DTD1: variants seen among roughly 807,000 people sequenced by gnomAD.
The protein encoded by DTD1 is D-tyrosyl-tRNA deacylase 1 homolog.
A neutral mutation model predicts 25.6 loss-of-function variants in DTD1; 13 were observed. The observed-to-expected ratio is 0.51, with a 90% CI of 0.33 to 0.81. The LOEUF is 0.81. DTD1 is among the 30% of genes least tolerant of loss of function. The probability of loss-of-function intolerance (pLI) is 0.02; values close to 1 mark genes in which losing one functional copy is unlikely to be tolerated. For synonymous variants in DTD1, 110 were observed against 103.6 expected (o/e 1.06, Z -0.37); for missense variants, 193 against 266.4 (o/e 0.72, Z 1.92).
At chr20:18,708,243 T>TTA (rs1568676718) in intron 4 of DTD1, among the ~76,000 whole-genome samples, 7 of 20,306 alleles carry the variant, frequency 3.4e-4, no homozygotes, top group African/African-American at 1.1e-3. Context: ...TATATATATA[T>TTA]AATATATATT....
At chr20:18,730,395 C>T (rs1285769881) in intron 4 of DTD1, among the ~76,000 whole-genome samples, 5 of 152,140 alleles carry the variant, frequency 3.3e-5, no homozygotes, top group Non-Finnish European at 7.4e-5. Flanking sequence ...AATTGCATTC[C>T]CAAGGCCCAA....
At chr20:18,668,819 T>C (rs1429771021) in intron 4 of DTD1, among the ~76,000 whole-genome samples, 1 of 152,266 alleles carries the variant, frequency 6.6e-6, no homozygotes, top group Non-Finnish European at 1.5e-5. Context: ...TTTCTGCCTC[T>C]CAACTTCTAG....
rs191805517 is a variant in DTD1 at position 18,749,865 on chromosome 20, A to T, written c.*19+5594A>T. 1.3e-5 allele frequency among the ~76,000 whole-genome samples: 2 copies of T among 152,334 alleles called. No homozygotes were observed. The highest frequency in any genetic ancestry group is 2.9e-5 in the Non-Finnish European group (2 of 68,022). ...ACTCAGCGCATGGAGGCTCATGAAC[A>T]AGTTTAGATCGGCCCATGAAAGACA... is the stretch of plus-strand genomic sequence containing the variant. On this transcript the variant is annotated intron_variant, in intron 5 of 5. Coordinates refer to ENST00000377452, the MANE Select transcript of DTD1 (RefSeq NM_080820.6). The surrounding 1 kb of genome is among the most constrained non-coding windows in gnomAD (Gnocchi z 4.2).
chr20:18,687,100 C>G (rs1031887216), intron 4 of DTD1, among the ~76,000 whole-genome samples: 1 of 152,174 alleles, frequency 6.6e-6, no homozygotes, highest in African/African-American at 2.4e-5. Flanking sequence ...GGAGAAAATT[C>G]AGGCAGAGGA....
At chr20:18,756,517 T>G (rs2061340000) in intron 5 of DTD1, among the ~76,000 whole-genome samples, 1 of 152,254 alleles carries the variant, frequency 6.6e-6, no homozygotes, top group African/African-American at 2.4e-5. Flanking sequence ...CACCATTTAT[T>G]AAATAGGAAA....
chr20:18,614,972 C>T (rs1362862965), intron 3 of DTD1, among the ~76,000 whole-genome samples: 1 of 152,180 alleles, frequency 6.6e-6, no homozygotes, highest in South Asian at 2.1e-4. Flanking sequence ...GGCCTCCCCA[C>T]GTTGCTGGGC....
chr20:18,646,243 GA>G (rs1249066668), intron 4 of DTD1, among the ~76,000 whole-genome samples: 7 of 152,206 alleles, frequency 4.6e-5, no homozygotes, highest in African/African-American at 1.7e-4. Context: ...GTAGGTGGCT[GA>G]AATGCCCATC....
chr20:18,624,167 A>C (rs140599693), intron 3 of DTD1, among the ~76,000 whole-genome samples: 2 of 152,106 alleles, frequency 1.3e-5, no homozygotes, highest in Non-Finnish European at 2.9e-5. Context: ...TTCCAAGGCC[A>C]CTGTGCTCCC....
intron 4 of DTD1, chr20:18,643,464 G>C (rs1181559261): frequency 8.4e-5 from 17 of 201,356 alleles, no homozygotes; most frequent in Admixed American, 6.7e-4. Context: ...TGAATCTTCT[G>C]TATTGATTTC....
chr20:18,714,390 C>T (rs1252734759), intron 4 of DTD1, among the ~76,000 whole-genome samples: 1 of 152,238 alleles, frequency 6.6e-6, no homozygotes, highest in Admixed American at 6.5e-5. Flanking sequence ...TAAATCCCCA[C>T]ATTCTGTGCT....
At position 18,596,237 on chromosome 20, in the gene DTD1, C is replaced by G. The variant is rs1248641517; in HGVS notation, c.366C>G (p.Ile122Met). Reference protein sequence around the residue: ...QLRKTYRPELIKDGKFGAYMQ... With the variant: ...QLRKTYRPELMKDGKFGAYMQ... ...GTAAAACATACAGGCCGGAGCTTAT[C>G]AAAGGTAAGCAGGAGAGCCACATCC... The change falls in exon 3 of 6, where the codon ATC (isoleucine) becomes ATG (methionine). Residue 122 changes from isoleucine (I) to methionine (M), a missense_variant. By Grantham distance (10) the Ile-to-Met change is conservative. Transcript: ENST00000377452. 3.1e-6 allele frequency: 5 copies of G among 1,613,124 alleles called. No homozygotes were observed. Among genetic ancestry groups the G allele is most frequent in the Non-Finnish European group, 3.4e-6 (4 of 1,179,468 alleles).
chr20:18,744,368 C>T (rs903534045), intron 5 of DTD1, 97 bp downstream of exon 5: 4 of 1,290,470 alleles, frequency 3.1e-6, no homozygotes, highest in Admixed American at 5.0e-5. Flanking sequence ...ATTCATTTCA[C>T]AGCGTTCATC....
intron 4 of DTD1, among the ~76,000 whole-genome samples, chr20:18,739,780 G>A (rs1357569880): frequency 2.0e-5 from 3 of 151,786 alleles, no homozygotes; most frequent in Admixed American, 6.6e-5. Context: ...CTTGCTTTGA[G>A]ATGTAAATTC....
chr20:18,598,503 A>ATT (rs201752077), intron 3 of DTD1, among the ~76,000 whole-genome samples: 1 of 145,984 alleles, frequency 6.9e-6, no homozygotes, highest in Non-Finnish European at 1.5e-5. Context: ...AGTAACAGTA[A>ATT]TTTTTTTTTT....
chr20:18,748,544 T>A (rs2061309593), intron 5 of DTD1, among the ~76,000 whole-genome samples: 1 of 152,124 alleles, frequency 6.6e-6, no homozygotes, highest in African/African-American at 2.4e-5. Context: ...CTGCTAATTC[T>A]GTGGGCAAGA....
chr20:18,740,713 C>A (rs938665194), intron 4 of DTD1, among the ~76,000 whole-genome samples: 2 of 152,114 alleles, frequency 1.3e-5, no homozygotes, highest in South Asian at 2.1e-4. Context: ...CCATCTTAAC[C>A]ATTTTAAGTG....
chr20:18,678,249 C>T (rs941830804), intron 4 of DTD1, among the ~76,000 whole-genome samples: 4 of 152,238 alleles, frequency 2.6e-5, no homozygotes, highest in Admixed American at 6.5e-5. Context: ...GGGGCCACCT[C>T]GCAGCCCTCT....
At position 18,754,914 on chromosome 20, in the gene DTD1, A is replaced by G. The variant is rs1489471930; in HGVS notation, c.*20-8446A>G. 2.0e-5 allele frequency among the ~76,000 whole-genome samples: 3 copies of G among 152,352 alleles called. No homozygotes were observed. In the East Asian group the frequency reaches 5.8e-4, roughly 29 times the overall value. ...AGTTTACAAATCACTCATGATACTA[A>G]CATTGATCTTATGATTAGGCCAGCC... On this transcript the variant is annotated intron_variant, in intron 5 of 5. Transcript: ENST00000377452.
chr20:18,588,412 G>A (rs1463249106), intron 1 of DTD1, among the ~76,000 whole-genome samples: 1 of 152,228 alleles, frequency 6.6e-6, no homozygotes, highest in East Asian at 1.9e-4. Context: ...TGTCCTGCGT[G>A]CGGGATGGCG....
Sources: allele counts gnomAD v4.1 joint callset (sites outside exome capture counted in the v4.1 genomes callset), GRCh38; gene constraint gnomAD v4.1.1; non-coding constraint Gnocchi (gnomAD v3.1); transcripts MANE v1.5; gene names NCBI Gene and HGNC (gene_info 2026-07-23, HGNC 2026-07-21).